Variants in NHS observed in about 807,000 individuals in gnomAD.
NHS encodes actin remodeling regulator NHS.
In NHS, 5 loss-of-function variants were observed where a neutral mutation model predicts 72.5. The ratio of observed to expected loss-of-function variants is 0.07; its 90% CI spans 0.04 to 0.14. The LOEUF is 0.14. NHS is among the 10% of genes least tolerant of loss of function. The pLI is 1.00. For synonymous variants in NHS, 464 were observed against 547.7 expected, an observed-to-expected ratio of 0.85 and a Z score of 2.13; for missense variants, 1,072 against 1,355.7, an observed-to-expected ratio of 0.79 and a Z score of 3.29.
chrX:17,550,571 A>T (rs1003267275), intron 1 of NHS, among the ~76,000 whole-genome samples: 6 of 111,685 alleles, frequency 5.4e-5, no homozygotes, highest in African/African-American at 2.0e-4. Context: ...TTGGATGCCC[A>T]TGGGGCTCCT....
At chrX:17,639,107 G>A (rs1203370405) in intron 1 of NHS, among the ~76,000 whole-genome samples, 1 of 112,007 alleles carries the variant, frequency 8.9e-6, no homozygotes, top group Non-Finnish European at 1.9e-5. Flanking sequence ...AATGAACTGA[G>A]CTTCCCTACC....
intron 1 of NHS, among the ~76,000 whole-genome samples, chrX:17,666,435 C>A (rs2066013329): frequency 8.9e-6 from 1 of 112,108 alleles, no homozygotes; most frequent in African/African-American, 3.3e-5. Flanking sequence ...TCTCTGTACA[C>A]AACGTGGTGT....
chrX:17,679,868 G>A (rs1031184569), intron 1 of NHS, among the ~76,000 whole-genome samples: 2 of 104,936 alleles, frequency 1.9e-5, no homozygotes, highest in African/African-American at 6.9e-5. Context: ...AAGGGGGGGG[G>A]GGTGTGCGTT....
chrX:17,524,198 A>G (rs1341976397), intron 1 of NHS, among the ~76,000 whole-genome samples: 1 of 111,730 alleles, frequency 9.0e-6, no homozygotes, highest in Non-Finnish European at 1.9e-5. Flanking sequence ...AATTGTTCAT[A>G]TTTTGTTGCA....
intron 1 of NHS, among the ~76,000 whole-genome samples, chrX:17,535,140 C>G (rs1019278032): frequency 2.7e-5 from 3 of 111,897 alleles, no homozygotes; most frequent in African/African-American, 9.8e-5. Flanking sequence ...TCACTTACCC[C>G]CTCTCCCACT....
At chrX:17,424,749 C>A (rs1478740843) in intron 1 of NHS, among the ~76,000 whole-genome samples, 1 of 112,176 alleles carries the variant, frequency 8.9e-6, no homozygotes, top group Non-Finnish European at 1.9e-5. Context: ...AATCTCCTTG[C>A]TTTAGAGAAT....
chrX:17,694,654 T>G (rs1302686198), intron 3 of NHS, among the ~76,000 whole-genome samples: 1 of 112,285 alleles, frequency 8.9e-6, no homozygotes, highest in African/African-American at 3.2e-5. Flanking sequence ...CCTGGCAAGT[T>G]AGTCATTTCA....
At chrX:17,599,906 A>G (rs981267382) in intron 1 of NHS, among the ~76,000 whole-genome samples, 1 of 111,074 alleles carries the variant, frequency 9.0e-6, no homozygotes, top group Non-Finnish European at 1.9e-5. Flanking sequence ...CCCTCCCCAC[A>G]CTAAGAATCA....
At chrX:17,698,644 C>T (rs181079397) in intron 3 of NHS, among the ~76,000 whole-genome samples, 2 of 111,885 alleles carry the variant, frequency 1.8e-5, no homozygotes, top group Non-Finnish European at 3.8e-5. Context: ...TAAAGACAGT[C>T]AGACCAATAT....
At chrX:17,583,109 A>G (rs2065553231) in intron 1 of NHS, among the ~76,000 whole-genome samples, 2 of 112,283 alleles carry the variant, frequency 1.8e-5, no homozygotes, top group South Asian at 3.7e-4. Context: ...CTGTTTCTAC[A>G]TGTCATTTGG....
intron 1 of NHS, among the ~76,000 whole-genome samples, chrX:17,527,489 C>G (rs1033298880): frequency 8.9e-5 from 10 of 112,865 alleles, no homozygotes; most frequent in African/African-American, 3.2e-4. Flanking sequence ...GGCCCTCTCT[C>G]TCTTTGCTTC....
chrX:17,442,878 A>G (rs1412884146), intron 1 of NHS, among the ~76,000 whole-genome samples: 1 of 112,439 alleles, frequency 8.9e-6, no homozygotes, highest in Non-Finnish European at 1.9e-5. Context: ...GTGACAAGCT[A>G]TTGTGGCCCT....
At chrX:17,608,689 G>A (rs892730154) in intron 1 of NHS, among the ~76,000 whole-genome samples, 3 of 108,517 alleles carry the variant, frequency 2.8e-5, no homozygotes, top group Non-Finnish European at 5.7e-5. Context: ...TTTTTTTGGG[G>A]GGATATAAGT....
rs769746680 is a variant in NHS at position 17,627,450 on chromosome X, G to A, written c.566-60292G>A. On this transcript the variant is annotated intron_variant, in intron 1 of 8. Coordinates refer to ENST00000676302, the MANE Select transcript of NHS (RefSeq NM_001291867.2). ...CAATACTACTGGCTAGGCACAAAAT[G>A]CCTTTCAATTAATACAATCAACTCA... Among the ~76,000 whole-genome samples the A allele has an allele frequency of 1.1e-4, 12 of 112,365 alleles. No homozygotes were observed. The South Asian group carries it at 4.5e-3, about 42-fold the overall frequency.
chrX:17,378,409 C>T (rs2064357634), intron 1 of NHS, among the ~76,000 whole-genome samples: 1 of 112,107 alleles, frequency 8.9e-6, no homozygotes, highest in Non-Finnish European at 1.9e-5. Context: ...AAAATGCTAT[C>T]TCCACACTTT....
chrX:17,499,142 G>T (rs902413960), intron 1 of NHS, among the ~76,000 whole-genome samples: 3 of 111,734 alleles, frequency 2.7e-5, no homozygotes, highest in African/African-American at 9.8e-5. Flanking sequence ...TGCAGTTTCT[G>T]GTGGCAGTGG....
intron 1 of NHS, among the ~76,000 whole-genome samples, chrX:17,657,060 TTAACCCCA>T (rs1469604749): frequency 1.8e-5 from 2 of 112,753 alleles, no homozygotes. Context: ...TGTGGCAGTG[TTAACCCCA>T]TCGCCCCCAC....
intron 5 of NHS, among the ~76,000 whole-genome samples, chrX:17,722,154 C>T (rs2066410350): frequency 8.9e-6 from 1 of 112,083 alleles, no homozygotes; most frequent in Admixed American, 9.5e-5. Flanking sequence ...TATTTTAAAA[C>T]CAGCAAGGCT....
rs762976679 is a variant in NHS at position 17,655,390 on chromosome X, A to G, written c.566-32352A>G. On this transcript the variant is annotated intron_variant, in intron 1 of 8. Transcript: ENST00000676302. ...CGCGCTACGGGAGAAGGAAACACAG[A>G]GGTACAAGAAATCCGGATCCGGGAT... is the stretch of plus-strand genomic sequence containing the variant. Among the ~76,000 whole-genome samples the G allele has an allele frequency of 1.9e-3, 211 of 112,177 alleles. 1 individual carries two copies. Among genetic ancestry groups the G allele is most frequent in the South Asian group, 0.017 (46 of 2,698 alleles).
Sources: gnomAD v4.1 joint callset for allele counts (sites outside exome capture counted in the v4.1 genomes callset) on GRCh38, gnomAD v4.1.1 for gene constraint, MANE v1.5 for transcripts, NCBI Gene and HGNC (gene_info 2026-07-23, HGNC 2026-07-21) for gene names.